Variants in DLGAP2 observed in about 807,000 individuals in gnomAD.
DLGAP2 encodes DLG associated protein 2.
In DLGAP2, 26 loss-of-function variants were observed where a neutral mutation model predicts 100.3. The ratio of observed to expected loss-of-function variants is 0.26; its 90% CI spans 0.19 to 0.36. DLGAP2 has a LOEUF of 0.36. Ranked by LOEUF, DLGAP2 falls within the 10% of genes least tolerant of loss-of-function variation. The probability of loss-of-function intolerance (pLI) is 1.00; values close to 1 mark genes in which losing one functional copy is unlikely to be tolerated. For synonymous variants in DLGAP2, 886 were observed against 630.1 expected, an observed-to-expected ratio of 1.41 and a Z score of -6.08; for missense variants, 1,858 against 1,453.2, an observed-to-expected ratio of 1.28 and a Z score of -4.53.
At chr8:1,215,202 C>G (rs904582990) in intron 2 of DLGAP2, among the ~76,000 whole-genome samples, 4 of 152,140 alleles carry the variant, frequency 2.6e-5, no homozygotes, top group Admixed American at 1.3e-4. Context: ...AACGAAATCC[C>G]AAATATCAAA....
chr8:925,672 T>G (rs933967420), intron 2 of DLGAP2, among the ~76,000 whole-genome samples: 2 of 152,156 alleles, frequency 1.3e-5, no homozygotes, highest in African/African-American at 4.8e-5. Flanking sequence ...GTAGACCCCA[T>G]GCTTATATAT....
At chr8:1,312,863 A>C (rs963690213) in intron 3 of DLGAP2, among the ~76,000 whole-genome samples, 1 of 152,236 alleles carries the variant, frequency 6.6e-6, no homozygotes, top group African/African-American at 2.4e-5. Context: ...CATCTGTAGG[A>C]AAACAGCCAC....
chr8:1,435,030 G>A (rs1797574681), intron 3 of DLGAP2, among the ~76,000 whole-genome samples: 1 of 152,100 alleles, frequency 6.6e-6, no homozygotes, highest in Non-Finnish European at 1.5e-5. Flanking sequence ...CTTGAGCTTT[G>A]CCAACATTTC....
chr8:872,468 G>T (rs1797617547), intron 1 of DLGAP2, among the ~76,000 whole-genome samples: 1 of 151,778 alleles, frequency 6.6e-6, no homozygotes, highest in African/African-American at 2.4e-5. Flanking sequence ...TCAGTAGCTG[G>T]GATTACAGGC....
intron 2 of DLGAP2, among the ~76,000 whole-genome samples, chr8:981,224 C>CA (rs1284139829): frequency 1.4e-4 from 21 of 152,166 alleles, no homozygotes; most frequent in African/African-American, 4.8e-4. Context: ...TTCCAAGGCT[C>CA]ATCTGGGTTG....
In DLGAP2 at chr8:1,321,109, CTG is replaced by C. The variant is rs144449421; in HGVS notation, c.106+62237_106+62238del. Among the ~76,000 whole-genome samples, 21 of 150,858 alleles carry C rather than the reference CTG, an allele frequency of 1.4e-4. No homozygotes were observed. The East Asian group carries it at 3.3e-3, about 24-fold the overall frequency. On this transcript the variant is annotated intron_variant, in intron 3 of 14. Coordinates refer to ENST00000637795, the MANE Select transcript of DLGAP2 (RefSeq NM_001346810.2). ...TGTGTGCGCATGCATCCATGTGCCT[CTG>C]TGTGTGTGTGCATCCATGTGTCTCT...
At chr8:1,364,077 T>C (rs1188528256) in intron 3 of DLGAP2, among the ~76,000 whole-genome samples, 1 of 152,138 alleles carries the variant, frequency 6.6e-6, no homozygotes, top group East Asian at 1.9e-4. Context: ...CGCCTTCAGG[T>C]GCAGACCCCA....
At chr8:1,322,215 A>G (rs772803286) in intron 3 of DLGAP2, among the ~76,000 whole-genome samples, 1 of 152,236 alleles carries the variant, frequency 6.6e-6, no homozygotes, top group Non-Finnish European at 1.5e-5. Flanking sequence ...AATATTTCAG[A>G]TGTACATCAT....
At position 1,678,274 on chromosome 8, in the gene DLGAP2, G is replaced by C. The variant is rs1196562362; in HGVS notation, c.2349G>C (p.Leu783=). ...VTAAVQADLE[L]EGFPGHITTE... ...CCGCCGTCCAAGCTGACCTGGAGCTGGAGGGGTTCCCAGGCCACATCACCA... is the reference window on the plus strand; with the variant it reads ...CCGCCGTCCAAGCTGACCTGGAGCTCGAGGGGTTCCCAGGCCACATCACCA... Residue 783 remains leucine (L), a synonymous_variant, in exon 12 of 15, where the codon CTG becomes CTC. Transcript: ENST00000637795. The C allele has an allele frequency of 6.2e-7, 1 of 1,613,742 alleles. No homozygotes were observed. Among genetic ancestry groups the C allele is most frequent in the Non-Finnish European group, 8.5e-7 (1 of 1,179,860 alleles).
intron 2 of DLGAP2, among the ~76,000 whole-genome samples, chr8:1,023,949 T>G (rs1801703999): frequency 6.6e-6 from 1 of 150,748 alleles, no homozygotes; most frequent in Non-Finnish European, 1.5e-5. Context: ...TTTCTAAGTG[T>G]GGGTGGCTGT....
intron 2 of DLGAP2, among the ~76,000 whole-genome samples, chr8:1,145,976 G>C (rs965260452): frequency 3.3e-5 from 5 of 151,988 alleles, no homozygotes; most frequent in Admixed American, 6.5e-5. Context: ...GTATTCCATG[G>C]TGTATATGTG....
intron 3 of DLGAP2, among the ~76,000 whole-genome samples, chr8:1,320,604 C>T (rs561438541): frequency 1.3e-5 from 2 of 152,326 alleles, no homozygotes; most frequent in South Asian, 2.1e-4. Context: ...CTCAACTTCT[C>T]GAACATATTC....
intron 2 of DLGAP2, among the ~76,000 whole-genome samples, chr8:1,179,477 C>G (rs1797334577): frequency 6.6e-6 from 1 of 152,260 alleles, no homozygotes; most frequent in Non-Finnish European, 1.5e-5. Flanking sequence ...CCAGCAGGCT[C>G]TGCAAGAGAC....
At chr8:1,535,442 G>A (rs1801124543) in intron 4 of DLGAP2, among the ~76,000 whole-genome samples, 1 of 152,190 alleles carries the variant, frequency 6.6e-6, no homozygotes, top group East Asian at 1.9e-4. Flanking sequence ...TGGCCAAGAG[G>A]GCAGGATTTT....
In DLGAP2 at chr8:1,632,993, G is replaced by A; in HGVS notation, c.1757G>A (p.Cys586Tyr). The A allele has an allele frequency of 6.8e-6, 11 of 1,613,982 alleles. No individual in the cohort carries two copies. The highest frequency in any genetic ancestry group is 9.3e-6 in the Non-Finnish European group (11 of 1,179,894). ...GCCGGCTACTCCCAAGATGACGAATGTATTCCCATGATGACACCCTCTGAC... is the reference window on the plus strand; with the variant it reads ...GCCGGCTACTCCCAAGATGACGAATATATTCCCATGATGACACCCTCTGAC... ...IQAGYSQDDE[C>Y]IPMMTPSDIT... The change falls in exon 8 of 15, where the codon TGT becomes TAT. Residue 586 changes from cysteine to tyrosine, a missense_variant. By Grantham distance (194) the Cys-to-Tyr change is radical. Coordinates refer to ENST00000637795, the MANE Select transcript of DLGAP2 (RefSeq NM_001346810.2).
intron 2 of DLGAP2, among the ~76,000 whole-genome samples, chr8:1,187,840 C>G (rs1359595886): frequency 8.4e-6 from 1 of 119,754 alleles, no homozygotes; most frequent in African/African-American, 4.7e-5. Flanking sequence ...GTTTCCCTCA[C>G]GGAATCTCAC....
intron 3 of DLGAP2, among the ~76,000 whole-genome samples, chr8:1,307,768 A>G (rs940399698): frequency 6.6e-6 from 1 of 152,230 alleles, no homozygotes; most frequent in Admixed American, 6.5e-5. Flanking sequence ...CGCCCGTCAC[A>G]AAAGGAGAGT....
At chr8:1,173,909 A>C (rs13268317) in intron 2 of DLGAP2, among the ~76,000 whole-genome samples, 56,374 of 151,940 alleles carry the variant, frequency 0.37, 12,369 homozygotes, top group Non-Finnish European at 0.49. Flanking sequence ...CACCTCTGGC[A>C]CTCCCTAGTG....
At chr8:1,224,439 C>G (rs1798375576) in intron 2 of DLGAP2, among the ~76,000 whole-genome samples, 1 of 152,112 alleles carries the variant, frequency 6.6e-6, no homozygotes, top group South Asian at 2.1e-4. Context: ...TGTACAAGTT[C>G]ATTTTTAAAG....
Sources: gnomAD v4.1 joint callset for allele counts (sites outside exome capture counted in the v4.1 genomes callset) on GRCh38, gnomAD v4.1.1 for gene constraint, MANE v1.5 for transcripts, NCBI Gene and HGNC (gene_info 2026-07-23, HGNC 2026-07-21) for gene names.